Variants in DNMT3A observed in about 807,000 individuals in gnomAD.
The protein encoded by DNMT3A is DNA methyltransferase 3 alpha.
A neutral mutation model predicts 117.6 loss-of-function variants in DNMT3A; 267 were observed. The observed-to-expected ratio is 2.27, with a 90% CI of 2.05 to 2.51. DNMT3A has a LOEUF of 2.51. DNMT3A is among the 30% of genes most tolerant of loss of function. The probability of loss-of-function intolerance (pLI) is 0.00; values close to 1 mark genes in which losing one functional copy is unlikely to be tolerated. For missense variants in DNMT3A, 1,029 were observed against 1,260.2 expected, an observed-to-expected ratio of 0.82 and a Z score of 2.78; for synonymous variants, 432 against 474.8, an observed-to-expected ratio of 0.91 and a Z score of 1.17.
chr2:25,337,844 A>AC lies in DNMT3A; in HGVS notation c.-178+3981dup, dbSNP rs2149453618. On this transcript the variant is annotated intron_variant, in intron 1 of 22. Coordinates refer to ENST00000321117, the MANE Select transcript of DNMT3A (RefSeq NM_022552.5). This position sits in a 1 kb window ranked among gnomAD's most constrained non-coding sequence, Gnocchi z 5.0. ...AAATTAAAGTGGAAAGGGATCTGGC[A>AC]CCTTTAGTAGACCATTAAAGCCCTG... Among the ~76,000 whole-genome samples the AC allele has an allele frequency of 6.6e-6, 1 of 152,332 alleles. No homozygotes were observed. Among genetic ancestry groups the AC allele is most frequent in the South Asian group, 2.1e-4 (1 of 4,830 alleles).
chr2:25,317,958 C>T (rs909916509), intron 1 of DNMT3A, among the ~76,000 whole-genome samples: 4 of 152,204 alleles, frequency 2.6e-5, no homozygotes, highest in African/African-American at 9.7e-5. Context: ...TGGTCTCGAA[C>T]TCCCAATCTC....
chr2:25,307,459 C>CTTTTTTTTT (rs35144977), intron 2 of DNMT3A, among the ~76,000 whole-genome samples: 3 of 79,096 alleles, frequency 3.8e-5, no homozygotes, highest in Non-Finnish European at 5.0e-5. Flanking sequence ...CACACCGCAG[C>CTTTTTTTTT]TTTTTTTTTT....
At chr2:25,314,277 C>T in intron 1 of DNMT3A, 116 bp from the exon 2 acceptor site, 30 of 1,260,694 alleles carry the variant, frequency 2.4e-5, no homozygotes, top group Non-Finnish European at 3.0e-5. Flanking sequence ...CTCCTTCTGG[C>T]CTCACCAGCA....
At chr2:25,313,451 C>T (rs1455167714) in intron 2 of DNMT3A, among the ~76,000 whole-genome samples, 1 of 152,186 alleles carries the variant, frequency 6.6e-6, no homozygotes, top group Non-Finnish European at 1.5e-5. Flanking sequence ...AGGGTGGGCC[C>T]CCGCGGCCTC....
chr2:25,290,320 A>ATTTTTTTTTT (rs1249490029), intron 3 of DNMT3A, among the ~76,000 whole-genome samples: 3,730 of 125,988 alleles, frequency 0.03, 87 homozygotes, highest in Non-Finnish European at 0.042. Context: ...TATGGAAGTG[A>ATTTTTTTTTT]TTTTTTTTTT....
intron 1 of DNMT3A, among the ~76,000 whole-genome samples, chr2:25,338,126 C>A (rs1469905541): frequency 6.6e-6 from 1 of 152,172 alleles, no homozygotes; most frequent in Non-Finnish European, 1.5e-5. Context: ...TTGGAGGCAG[C>A]AGGAAGTACC....
At chr2:25,275,622 C>T in intron 4 of DNMT3A, 79 bp from the exon 5 acceptor site, 1 of 1,472,988 alleles carries the variant, frequency 6.8e-7, no homozygotes, top group Non-Finnish European at 9.1e-7. Flanking sequence ...CCACCTTGTG[C>T]CTGGGGTCCC....
In DNMT3A at chr2:25,282,588, G is replaced by A. The variant is rs2149379243; in HGVS notation, c.301C>T (p.Pro101Ser). The change falls in exon 4 of 23, where the codon CCA becomes TCA. Residue 101 changes from proline to serine, a missense_variant. Coordinates refer to ENST00000321117, the MANE Select transcript of DNMT3A (RefSeq NM_022552.5). The surrounding 1 kb of genome is among the most constrained non-coding windows in gnomAD (Gnocchi z 5.2). Reference sequence around the variant, plus strand: ...CCCCCAGCAGGGCTCCCCTCCTCTGGCTGGGGCTCACTCCGCTTCTCCAAG... The same window carrying A: ...CCCCCAGCAGGGCTCCCCTCCTCTGACTGGGGCTCACTCCGCTTCTCCAAG... ...GDLEKRSEPQ[P>S]EEGSPAGGQK... is the part of the protein sequence containing the mutation. 4 of 1,613,584 alleles carry A rather than the reference G, an allele frequency of 2.5e-6. No individual in the cohort carries two copies. Among genetic ancestry groups the A allele is most frequent in the Non-Finnish European group, 3.4e-6 (4 of 1,180,012 alleles).
At chr2:25,272,503 G>A (rs1046631456) in intron 6 of DNMT3A, among the ~76,000 whole-genome samples, 1 of 152,108 alleles carries the variant, frequency 6.6e-6, no homozygotes, top group Non-Finnish European at 1.5e-5. Flanking sequence ...CTTGCCCCAG[G>A]GCTAAATGAG....
intron 6 of DNMT3A, among the ~76,000 whole-genome samples, chr2:25,263,898 G>A (rs758288147): frequency 2.0e-5 from 3 of 152,206 alleles, no homozygotes; most frequent in Non-Finnish European, 4.4e-5. Context: ...CTAGGGAGTT[G>A]CTTGCACAGT....
At chr2:25,280,910 G>A (rs1185043562) in intron 4 of DNMT3A, among the ~76,000 whole-genome samples, 2 of 152,200 alleles carry the variant, frequency 1.3e-5, no homozygotes, top group Non-Finnish European at 2.9e-5. Context: ...GGGCAGGAAG[G>A]AATGCCGTGA....
Position 25,293,252 on chromosome 2 carries a change from C to A in DNMT3A, c.177+6887G>T, listed in dbSNP as rs1483692623. ...GGCCAATTCTGCCCCGCCACTGCCA[C>A]CCCCCACAGGCCCTGGGACTTTGCT... On this transcript the variant is annotated intron_variant, in intron 3 of 22. Transcript: ENST00000321117. The surrounding 1 kb of genome is among the most constrained non-coding windows in gnomAD (Gnocchi z 4.7). Among the ~76,000 whole-genome samples, 1 of 151,722 alleles carries A rather than the reference C, an allele frequency of 6.6e-6. No homozygotes were observed. Among genetic ancestry groups the A allele is most frequent in the Non-Finnish European group, 1.5e-5 (1 of 67,898 alleles).
At position 25,281,444 on chromosome 2, in the gene DNMT3A, CT is replaced by C. The variant is rs2031881422; in HGVS notation, c.448+996del. On this transcript the variant is annotated intron_variant, in intron 4 of 22. Coordinates refer to ENST00000321117, the MANE Select transcript of DNMT3A (RefSeq NM_022552.5). The surrounding 1 kb of genome is among the most constrained non-coding windows in gnomAD (Gnocchi z 4.8). ...TTGTCGAATAATAAATGAATAAAAG[CT>C]TCTTAATAAGTTTGGAAATTTGTAT... The C allele has an allele frequency of 9.6e-7, 1 of 1,041,410 alleles. No individual in the cohort carries two copies. The highest frequency in any genetic ancestry group is 5.7e-5 in the East Asian group (1 of 17,436). 64.5% of individuals were successfully genotyped at this position (1,041,410 alleles called of 1,614,324 possible).
At chr2:25,259,991 C>T (rs1265728399) in intron 6 of DNMT3A, among the ~76,000 whole-genome samples, 1 of 152,198 alleles carries the variant, frequency 6.6e-6, no homozygotes, top group Non-Finnish European at 1.5e-5. Context: ...GTCTGCCCGC[C>T]TTACAGTCCC....
Position 25,254,226 on chromosome 2 carries a change from G to C in DNMT3A, c.640-5974C>G, listed in dbSNP as rs1224681016. Among the ~76,000 whole-genome samples the C allele has an allele frequency of 6.6e-6, 1 of 151,996 alleles. No individual in the cohort carries two copies. Among genetic ancestry groups the C allele is most frequent in the Non-Finnish European group, 1.5e-5 (1 of 67,998 alleles). On this transcript the variant is annotated intron_variant, in intron 6 of 22. Coordinates refer to ENST00000321117, the MANE Select transcript of DNMT3A (RefSeq NM_022552.5). This position sits in a 1 kb window ranked among gnomAD's most constrained non-coding sequence, Gnocchi z 4.7. ...CCATGGAACGCCACCATCTCCTAAT[G>C]ACAATGAGACAATTCTCTAGGTGCC...
At chr2:25,299,174 C>T (rs2033275337) in intron 3 of DNMT3A, among the ~76,000 whole-genome samples, 1 of 152,222 alleles carries the variant, frequency 6.6e-6, no homozygotes, top group African/African-American at 2.4e-5. Context: ...AATGACTGCT[C>T]CACATCTGAG....
rs763524370 is a variant in DNMT3A, at chr2:25,294,985, G to A, written c.177+5154C>T. 1.3e-5 allele frequency among the ~76,000 whole-genome samples: 2 copies of A among 152,136 alleles called. No homozygotes were observed. ...TGGAGGAAGTTGGTGGGTATAAATC[G>A]TCAATGAATAAATACGCATCGCTAG... On this transcript the variant is annotated intron_variant, in intron 3 of 22. Transcript: ENST00000321117. This position sits in a 1 kb window ranked among gnomAD's most constrained non-coding sequence, Gnocchi z 4.7.
intron 1 of DNMT3A, chr2:25,328,666 C>T: frequency 3.8e-6 from 2 of 523,968 alleles, no homozygotes; most frequent in South Asian, 2.9e-5. Context: ...CACTCCCAGG[C>T]AGCTGCAACA....
chr2:25,251,294 C>T (rs1675522311), intron 6 of DNMT3A, among the ~76,000 whole-genome samples: 1 of 151,922 alleles, frequency 6.6e-6, no homozygotes, highest in South Asian at 2.1e-4. Context: ...TCCTGCCTTC[C>T]TCCCCAGGCA....
Sources: gnomAD v4.1 joint callset for allele counts (sites outside exome capture counted in the v4.1 genomes callset) on GRCh38, gnomAD v4.1.1 for gene constraint, Gnocchi (gnomAD v3.1) non-coding constraint, MANE v1.5 for transcripts, NCBI Gene and HGNC (gene_info 2026-07-23, HGNC 2026-07-21) for gene names.